The following PLOD2 variants were observed in gnomAD, a reference collection of about 807,000 sequenced individuals.
PLOD2 encodes the protein procollagen-lysine,2-oxoglutarate 5-dioxygenase 2, also known as lysine hydroxylase 2.
Under a neutral mutation model 101.0 loss-of-function variants are expected in PLOD2, and 65 were observed. That is an observed-to-expected ratio of 0.64 (90% CI 0.53 to 0.79). The LOEUF is 0.79. Ranked by LOEUF, PLOD2 falls within the 30% of genes least tolerant of loss-of-function variation. PLOD2 has a pLI of 0.00. For synonymous variants in PLOD2, 314 were observed against 302.9 expected (o/e 1.04, Z -0.38); for missense variants, 909 against 914.6 (o/e 0.99, Z 0.08).
At chr3:146,113,861 G>A (rs950201641) in intron 3 of PLOD2, among the ~76,000 whole-genome samples, 5 of 152,140 alleles carry the variant, frequency 3.3e-5, no homozygotes, top group East Asian at 1.9e-4. Context: ...AGAGCCGGGC[G>A]GAACAGAGCC....
intron 3 of PLOD2, 100 bp from the exon 4 acceptor site, chr3:146,110,548 A>G: frequency 1.1e-6 from 1 of 901,282 alleles, no homozygotes; most frequent in East Asian, 2.5e-5. Context: ...TCAAGAATAC[A>G]ATGCAAGATT....
intron 5 of PLOD2, 59 bp from the exon 6 acceptor site, chr3:146,104,401 A>G: frequency 1.2e-6 from 1 of 851,396 alleles, no homozygotes; most frequent in Admixed American, 1.7e-5. Flanking sequence ...AAACATTCCT[A>G]TCATATTAAT....
chr3:146,133,380 T>G (rs778522990), intron 1 of PLOD2, among the ~76,000 whole-genome samples: 1 of 152,304 alleles, frequency 6.6e-6, no homozygotes, highest in Non-Finnish European at 1.5e-5. Flanking sequence ...AAGTCATTAA[T>G]ACATACATAT....
At chr3:146,142,227 T>C (rs1290145839) in intron 1 of PLOD2, among the ~76,000 whole-genome samples, 5 of 152,130 alleles carry the variant, frequency 3.3e-5, no homozygotes, top group African/African-American at 1.2e-4. Flanking sequence ...AAGGAACTAG[T>C]TTTTTTATTC....
In PLOD2 at chr3:146,160,845, G is replaced by A. The variant is rs774340624; in HGVS notation, c.109+36C>T. 1.1e-5 allele frequency: 15 copies of A among 1,367,526 alleles called. No individual in the cohort carries two copies. In the East Asian group the frequency reaches 2.2e-4, roughly 20 times the overall value. 84.7% of individuals were successfully genotyped at this position (1,367,526 alleles called of 1,614,324 possible). On this transcript the variant is annotated intron_variant, in intron 1 of 19. Transcript: ENST00000282903. ...AATGAACTGCCCCCCCGCCGGCCGA[G>A]CCTCGCGGGACAGCGGCGGACCGCG... is the stretch of plus-strand genomic sequence containing the variant.
At chr3:146,073,109 G>A (rs1357329786) in intron 16 of PLOD2, among the ~76,000 whole-genome samples, 178 bp downstream of exon 16, 1 of 151,502 alleles carries the variant, frequency 6.6e-6, no homozygotes, top group African/African-American at 2.4e-5. Context: ...TAATTTCTAT[G>A]TTCTACATTT....
chr3:146,105,196 T>G (rs1320540179), intron 5 of PLOD2: 1 of 152,238 alleles, frequency 6.6e-6, no homozygotes, highest in Non-Finnish European at 1.5e-5. Context: ...AACATATTTC[T>G]TATTTAGACC....
chr3:146,095,140 T>C (rs1341239071), intron 7 of PLOD2, among the ~76,000 whole-genome samples: 3 of 152,122 alleles, frequency 2.0e-5, no homozygotes, highest in Non-Finnish European at 4.4e-5. Context: ...GGCAATATCA[T>C]TCAGGACACA....
intron 9 of PLOD2, among the ~76,000 whole-genome samples, chr3:146,087,502 C>G (rs2108021808): frequency 6.6e-6 from 1 of 151,888 alleles, no homozygotes; most frequent in Admixed American, 6.6e-5. Flanking sequence ...TAAAGGTTAC[C>G]AATTTTAGTG....
chr3:146,122,641 T>G (rs1314151798), intron 2 of PLOD2, among the ~76,000 whole-genome samples: 1 of 152,130 alleles, frequency 6.6e-6, no homozygotes, highest in Non-Finnish European at 1.5e-5. Context: ...GTCCACACTT[T>G]GGGAACCACT....
At chr3:146,156,592 A>G (rs2032310506) in intron 1 of PLOD2, among the ~76,000 whole-genome samples, 1 of 152,270 alleles carries the variant, frequency 6.6e-6, no homozygotes, top group Admixed American at 6.5e-5. Context: ...GGGGTCTGCT[A>G]GATTTGGCCT....
chr3:146,088,892 C>CA (rs1936879364), intron 8 of PLOD2, 181 bp from the exon 9 acceptor site: 3 of 576,114 alleles, frequency 5.2e-6, no homozygotes, highest in Non-Finnish European at 9.3e-6. Context: ...TGTGGCCCCC[C>CA]CAATCAAAGT....
chr3:146,160,809 G>A (rs1361799055), intron 1 of PLOD2, 72 bp downstream of exon 1: 2 of 948,322 alleles, frequency 2.1e-6, no homozygotes, highest in African/African-American at 1.6e-5. Flanking sequence ...CCGCGGAAGG[G>A]CTGGTGGATG....
chr3:146,119,771 C>G (rs1263192290), intron 3 of PLOD2, among the ~76,000 whole-genome samples: 1 of 152,108 alleles, frequency 6.6e-6, no homozygotes, highest in African/African-American at 2.4e-5. Flanking sequence ...AGGACATGAA[C>G]TCATCATTTT....
At chr3:146,096,737 C>T (rs1269748400) in intron 7 of PLOD2, among the ~76,000 whole-genome samples, 3 of 149,804 alleles carry the variant, frequency 2.0e-5, no homozygotes, top group African/African-American at 4.9e-5. Context: ...GAAGCCACCC[C>T]GTCCGGGAGG....
intron 10 of PLOD2, chr3:146,085,601 A>C: frequency 3.1e-6 from 1 of 324,010 alleles, no homozygotes; most frequent in Non-Finnish European, 5.6e-6. Context: ...ATGCACACAA[A>C]TGCAACTTAC....
chr3:146,085,883 A>G (rs770419730), intron 10 of PLOD2: 1 of 152,534 alleles, frequency 6.6e-6, no homozygotes, highest in Non-Finnish European at 1.5e-5. Flanking sequence ...GGTCCCAGTC[A>G]GCACTTTTTG....
At chr3:146,082,349 T>C (rs1936584417) in intron 11 of PLOD2, among the ~76,000 whole-genome samples, 1 of 152,224 alleles carries the variant, frequency 6.6e-6, no homozygotes, top group East Asian at 1.9e-4. Flanking sequence ...GAGATGTTTG[T>C]AAACAGGCAA....
At chr3:146,075,819 T>C (rs914179312) in intron 15 of PLOD2, 2 of 151,760 alleles carry the variant, frequency 1.3e-5, no homozygotes, top group African/African-American at 4.8e-5. Context: ...GATAATTCCC[T>C]TCCCCAAAGC....
Sources: gnomAD v4.1 joint callset for allele counts (sites outside exome capture counted in the v4.1 genomes callset) on GRCh38, gnomAD v4.1.1 for gene constraint, MANE v1.5 for transcripts, NCBI Gene and HGNC (gene_info 2026-07-23, HGNC 2026-07-21) for gene names.